Variants in CCDC126 observed in about 807,000 individuals in gnomAD.
CCDC126 encodes coiled-coil domain containing 126, also known as coiled-coil domain-containing protein 126.
CCDC126 carries 5 observed loss-of-function variants against 11.7 expected under a neutral mutation model. The observed-to-expected ratio is 0.43, with a 90% CI of 0.22 to 0.90. The LOEUF (loss-of-function observed/expected upper bound fraction) is 0.90, where lower values mean the gene tolerates loss of function less well. Ranked by LOEUF, CCDC126 falls within the 40% of genes least tolerant of loss-of-function variation. The probability of loss-of-function intolerance (pLI) is 0.27; values close to 1 mark genes in which losing one functional copy is unlikely to be tolerated. For missense variants in CCDC126, 150 were observed against 163.1 expected (o/e 0.92, Z 0.44); for synonymous variants, 60 against 61.9 (o/e 0.97, Z 0.14).
chr7:23,631,806 C>G (rs1309616987), intron 3 of CCDC126, among the ~76,000 whole-genome samples: 1 of 151,120 alleles, frequency 6.6e-6, no homozygotes, highest in Non-Finnish European at 1.5e-5. Flanking sequence ...TCCCCCCCCA[C>G]CCTGAAAAAA....
intron 3 of CCDC126, among the ~76,000 whole-genome samples, chr7:23,634,254 C>T (rs977121706): frequency 6.6e-6 from 1 of 152,042 alleles, no homozygotes; most frequent in Non-Finnish European, 1.5e-5. Flanking sequence ...AAGAGTAGTC[C>T]AGGCAACATG....
At chr7:23,626,658 C>T (rs1215534577) in intron 3 of CCDC126, among the ~76,000 whole-genome samples, 8 of 152,102 alleles carry the variant, frequency 5.3e-5, no homozygotes, top group African/African-American at 1.7e-4. Context: ...TCCCTCCTCC[C>T]ACCCTCCCCA....
chr7:23,628,044 G>A (rs112285791), intron 3 of CCDC126, among the ~76,000 whole-genome samples: 4 of 152,164 alleles, frequency 2.6e-5, no homozygotes, highest in South Asian at 2.1e-4. Flanking sequence ...ATAAATTATT[G>A]TATAAGTAAT....
intron 3 of CCDC126, among the ~76,000 whole-genome samples, chr7:23,626,062 T>C (rs1783010136): frequency 6.6e-6 from 1 of 151,780 alleles, no homozygotes; most frequent in South Asian, 2.1e-4. Context: ...AAATTTTATG[T>C]AGTAAAATAC....
In CCDC126 at chr7:23,608,928, G is replaced by T. The variant is rs184335074; in HGVS notation, c.-145-2243G>T. Among the ~76,000 whole-genome samples the T allele has an allele frequency of 2.4e-4, 36 of 152,208 alleles. No individual in the cohort carries two copies. The East Asian group carries it at 6.8e-3, about 29-fold the overall frequency. ...AAGGTGGGGAGTGCTGATTGTTCAG[G>T]TTGGAGGCAAAATCATAGAATCATG... is the stretch of plus-strand genomic sequence containing the variant. On this transcript the variant is annotated intron_variant, in intron 2 of 3. Transcript: ENST00000307471.
chr7:23,612,630 A>C (rs911594896), intron 3 of CCDC126, among the ~76,000 whole-genome samples: 4 of 152,042 alleles, frequency 2.6e-5, no homozygotes, highest in Admixed American at 2.6e-4. Flanking sequence ...CCATGTCTGC[A>C]CCACTGTACT....
chr7:23,636,699 G>C (rs1302307345), intron 3 of CCDC126, among the ~76,000 whole-genome samples: 4 of 148,764 alleles, frequency 2.7e-5, no homozygotes, highest in African/African-American at 7.6e-5. Context: ...GAGCCCCTCC[G>C]CCTGGCAGCC....
intron 3 of CCDC126, among the ~76,000 whole-genome samples, chr7:23,638,733 A>AAAAAAAAAAAAAC (rs1783293153): frequency 7.1e-6 from 1 of 140,318 alleles, no homozygotes; most frequent in African/African-American, 2.5e-5. Context: ...AAATTAAAAA[A>AAAAAAAAAAAAAC]AAAAAAAAAA....
At chr7:23,599,245 C>T (rs1349309298) in intron 2 of CCDC126, among the ~76,000 whole-genome samples, 2 of 152,154 alleles carry the variant, frequency 1.3e-5, no homozygotes, top group Non-Finnish European at 2.9e-5. Flanking sequence ...TTCTTCATAA[C>T]TTTAGCTTGT....
At chr7:23,626,227 C>T (rs926028774) in intron 3 of CCDC126, among the ~76,000 whole-genome samples, 1 of 151,966 alleles carries the variant, frequency 6.6e-6, no homozygotes, top group African/African-American at 2.4e-5. Context: ...CTTCTTTTCT[C>T]CAGATGAGTT....
intron 2 of CCDC126, among the ~76,000 whole-genome samples, chr7:23,609,015 G>T (rs891141025): frequency 1.3e-5 from 2 of 151,986 alleles, no homozygotes; most frequent in Non-Finnish European, 2.9e-5. Context: ...AAGACCAGAT[G>T]AGCCAGTTCG....
intron 3 of CCDC126, among the ~76,000 whole-genome samples, chr7:23,640,452 G>A (rs561558096): frequency 1.3e-4 from 20 of 152,104 alleles, no homozygotes; most frequent in South Asian, 2.1e-4. Context: ...AGCCGAGATC[G>A]CGCCATTGCA....
At position 23,643,262 on chromosome 7, in the gene CCDC126, C is replaced by G. The variant is rs1341360272; in HGVS notation, c.*147C>G. ...AGGAGTATGCTGGATTCATGGAACTCTAATTCTGTACATAAAAATTTTAAA... is the reference window on the plus strand; with the variant it reads ...AGGAGTATGCTGGATTCATGGAACTGTAATTCTGTACATAAAAATTTTAAA... On this transcript the variant is annotated 3_prime_UTR_variant, in exon 4 of 4. Transcript: ENST00000307471. 11 of 685,004 alleles carry G rather than the reference C, an allele frequency of 1.6e-5. No individual in the cohort carries two copies. The highest frequency in any genetic ancestry group is 2.6e-5 in the Non-Finnish European group (11 of 430,148). 42.4% of individuals were successfully genotyped at this position (685,004 alleles called of 1,614,324 possible).
Position 23,611,236 on chromosome 7 carries a change from T to C in CCDC126, c.-80T>C, listed in dbSNP as rs1052340901. The C allele has an allele frequency of 5.5e-6, 4 of 728,736 alleles. No homozygotes were observed. The highest frequency in any genetic ancestry group is 2.8e-5 in the East Asian group (1 of 35,942). The allele number at this position is 728,736 out of a possible 1,614,324, so 45.1% of individuals were successfully genotyped here. A position where few individuals can be genotyped will look rare whatever the true frequency, so the allele number is the denominator to read the frequency against. ...ATACAATATTGAGGATATTTTTTTC[T>C]TTTTTTTTTCAAGTCTTGATTTGTG... is the stretch of plus-strand genomic sequence containing the variant. On this transcript the variant is annotated 5_prime_UTR_variant, in exon 3 of 4. Coordinates refer to ENST00000307471, the MANE Select transcript of CCDC126 (RefSeq NM_138771.4).
intron 3 of CCDC126, among the ~76,000 whole-genome samples, chr7:23,612,897 C>T (rs1162574670): frequency 6.6e-6 from 1 of 152,154 alleles, no homozygotes. Context: ...CTTATCATGA[C>T]ATGTTCTTTC....
At chr7:23,605,058 T>C (rs1429884049) in intron 2 of CCDC126, among the ~76,000 whole-genome samples, 1 of 151,556 alleles carries the variant, frequency 6.6e-6, no homozygotes, top group Non-Finnish European at 1.5e-5. Context: ...GGATAGGAAT[T>C]GGAGTGCAAC....
intron 1 of CCDC126, 50 bp from the exon 2 acceptor site, chr7:23,597,917 A>T (rs1407473357): frequency 1.3e-5 from 2 of 152,054 alleles, no homozygotes; most frequent in African/African-American, 2.4e-5. Context: ...GAGCTGCGGG[A>T]TGTAGATCCC....
At chr7:23,630,133 C>A (rs1783085114) in intron 3 of CCDC126, among the ~76,000 whole-genome samples, 1 of 152,198 alleles carries the variant, frequency 6.6e-6, no homozygotes, top group Admixed American at 6.5e-5. Flanking sequence ...TTGACATATG[C>A]AGAATGCTCT....
chr7:23,608,411 G>A (rs572956216), intron 2 of CCDC126, among the ~76,000 whole-genome samples: 1 of 152,288 alleles, frequency 6.6e-6, no homozygotes, highest in South Asian at 2.1e-4. Flanking sequence ...TGCATGGGAC[G>A]GCTTTGAATG....
Sources: allele counts gnomAD v4.1 joint callset (sites outside exome capture counted in the v4.1 genomes callset), GRCh38; gene constraint gnomAD v4.1.1; transcripts MANE v1.5; gene names NCBI Gene and HGNC (gene_info 2026-07-23, HGNC 2026-07-21).